KHDRBS3: variants seen among roughly 807,000 people sequenced by gnomAD.
KHDRBS3 encodes KH RNA binding domain containing, signal transduction associated 3.
KHDRBS3 carries 23 observed loss-of-function variants against 45.6 expected under a neutral mutation model. The observed-to-expected ratio is 0.50, with a 90% CI of 0.36 to 0.72. KHDRBS3 has a LOEUF of 0.72. Among genes scored for constraint, KHDRBS3 ranks in the 30% least tolerant of loss-of-function variants. KHDRBS3 has a pLI of 0.00. For synonymous variants in KHDRBS3, 162 were observed against 156.5 expected (o/e 1.04, Z -0.26); for missense variants, 352 against 424.8 (o/e 0.83, Z 1.51).
intron 4 of KHDRBS3, among the ~76,000 whole-genome samples, chr8:135,554,015 A>C (rs570464298): frequency 6.6e-6 from 1 of 152,328 alleles, no homozygotes; most frequent in South Asian, 2.1e-4. Context: ...TTATATCAAC[A>C]GTGTCCATTT....
chr8:135,605,267 C>T (rs780696588), intron 6 of KHDRBS3, among the ~76,000 whole-genome samples: 5 of 151,964 alleles, frequency 3.3e-5, no homozygotes, highest in Admixed American at 6.6e-5. Flanking sequence ...TTTATATGCT[C>T]ATGTATTTTC....
chr8:135,503,472 G>A (rs1422570214), intron 1 of KHDRBS3, among the ~76,000 whole-genome samples: 1 of 152,148 alleles, frequency 6.6e-6, no homozygotes, highest in African/African-American at 2.4e-5. Flanking sequence ...TACATCTGAG[G>A]ATTAAACGTG....
chr8:135,652,664 C>G (rs1831453685), intron 4 of KHDRBS3, among the ~76,000 whole-genome samples: 1 of 152,224 alleles, frequency 6.6e-6, no homozygotes. Context: ...CTGGCCTATC[C>G]AGACTTCCCA....
chr8:135,548,932 T>TACTTTAAAGCAAAG, intron 4 of KHDRBS3, 32 bp downstream of exon 4: 4 of 1,478,550 alleles, frequency 2.7e-6, no homozygotes, highest in Non-Finnish European at 3.7e-6. Context: ...AGTTAACTTG[T>TACTTTAAAGCAAAG]ACTTTAAAGT....
chr8:135,461,612 C>T (rs752747586), intron 1 of KHDRBS3, among the ~76,000 whole-genome samples: 2 of 152,178 alleles, frequency 1.3e-5, no homozygotes, highest in African/African-American at 4.8e-5. Context: ...TGTGCTGACT[C>T]TTACTAAAAA....
intron 2 of KHDRBS3, chr8:135,538,424 C>G (rs1432163346): frequency 3.3e-5 from 5 of 152,272 alleles, no homozygotes; most frequent in African/African-American, 9.6e-5. Context: ...AAAGGATCCT[C>G]TGTGAGTCTT....
intron 4 of KHDRBS3, among the ~76,000 whole-genome samples, chr8:135,550,968 A>G (rs969860413): frequency 1.3e-5 from 2 of 152,184 alleles, no homozygotes; most frequent in African/African-American, 4.8e-5. Context: ...TGATTTGTAA[A>G]TATTGTATAC....
chr8:135,536,986 AAAAAAAAAAAAG>A lies in KHDRBS3; in HGVS notation c.208-5667_208-5656del, dbSNP rs1563751792. Among the ~76,000 whole-genome samples the A allele has an allele frequency of 4.2e-5, 2 of 47,862 alleles. 1 individual carries two copies. 31.4% of individuals were successfully genotyped at this position (47,862 alleles called of 152,430 possible). ...CATCTCAAAAAAAAAAAAAAAAAAA[AAAAAAAAAAAAG>A]GAGATGTTTAGGAGGTAAAATCATT... On this transcript the variant is annotated intron_variant, in intron 2 of 8. Transcript: ENST00000355849.
chr8:135,600,054 G>A (rs1829139186), intron 6 of KHDRBS3, among the ~76,000 whole-genome samples: 1 of 30,876 alleles, frequency 3.2e-5, no homozygotes, highest in South Asian at 1.2e-3. Context: ...GGCAGCAGTG[G>A]CAGGCACCTC....
intron 7 of KHDRBS3, among the ~76,000 whole-genome samples, chr8:135,642,302 G>A (rs1831093812): frequency 6.6e-6 from 1 of 152,194 alleles, no homozygotes. Flanking sequence ...CCACTTATAA[G>A]TTGAGTGACC....
At chr8:135,577,189 A>G (rs928163366) in intron 5 of KHDRBS3, among the ~76,000 whole-genome samples, 1 of 151,786 alleles carries the variant, frequency 6.6e-6, no homozygotes, top group Non-Finnish European at 1.5e-5. Flanking sequence ...AATTGTTTTC[A>G]TATGCTTTAA....
intron 1 of KHDRBS3, among the ~76,000 whole-genome samples, chr8:135,490,717 A>G (rs1337544784): frequency 1.3e-5 from 2 of 152,206 alleles, no homozygotes; most frequent in Non-Finnish European, 2.9e-5. Context: ...AGTGTAGAAT[A>G]TGAATCACAA....
At chr8:135,570,600 G>T (rs982119349) in intron 5 of KHDRBS3, among the ~76,000 whole-genome samples, 3 of 152,124 alleles carry the variant, frequency 2.0e-5, no homozygotes, top group African/African-American at 7.2e-5. Context: ...ACACTCCATT[G>T]GGATGTTATT....
At chr8:135,577,057 C>G (rs928044683) in intron 5 of KHDRBS3, among the ~76,000 whole-genome samples, 1 of 151,890 alleles carries the variant, frequency 6.6e-6, no homozygotes, top group Admixed American at 6.6e-5. Context: ...TGTACTTACA[C>G]TTCTTCCTGT....
chr8:135,477,333 G>A (rs1405590593), intron 1 of KHDRBS3, among the ~76,000 whole-genome samples: 1 of 152,114 alleles, frequency 6.6e-6, no homozygotes, highest in African/African-American at 2.4e-5. Flanking sequence ...TTGCTGTGCT[G>A]TAAAAAGTGT....
intron 7 of KHDRBS3, among the ~76,000 whole-genome samples, chr8:135,619,581 T>C (rs369192778): frequency 6.6e-6 from 1 of 152,336 alleles, no homozygotes; most frequent in Admixed American, 6.5e-5. Context: ...ACTGACCTCA[T>C]GGGGTTGTTG....
intron 4 of KHDRBS3, among the ~76,000 whole-genome samples, chr8:135,654,998 G>A (rs566185343): frequency 2.6e-5 from 4 of 152,328 alleles, no homozygotes; most frequent in East Asian, 1.9e-4. Flanking sequence ...CTGACCTGCC[G>A]GTTGATGGGA....
intron 5 of KHDRBS3, among the ~76,000 whole-genome samples, chr8:135,568,685 G>A (rs1287013325): frequency 1.3e-5 from 2 of 152,154 alleles, no homozygotes; most frequent in Non-Finnish European, 2.9e-5. Flanking sequence ...AGATTTGGAA[G>A]AACTAGTGAA....
intron 5 of KHDRBS3, among the ~76,000 whole-genome samples, chr8:135,568,922 T>C (rs896423405): frequency 1.3e-5 from 2 of 152,212 alleles, no homozygotes; most frequent in African/African-American, 2.4e-5. Context: ...CAGCCTTTCA[T>C]TATCAGTTTA....
Sources: allele counts gnomAD v4.1 joint callset (sites outside exome capture counted in the v4.1 genomes callset), GRCh38; gene constraint gnomAD v4.1.1; transcripts MANE v1.5; gene names NCBI Gene and HGNC (gene_info 2026-07-23, HGNC 2026-07-21).